ART3: variants seen among roughly 807,000 people sequenced by gnomAD.
The protein encoded by ART3 is ADP-ribosyltransferase 3 (inactive), also known as ecto-ADP-ribosyltransferase 3.
ART3 carries 49 observed loss-of-function variants against 48.5 expected under a neutral mutation model. That is an observed-to-expected ratio of 1.01 (90% CI 0.80 to 1.28). The LOEUF (loss-of-function observed/expected upper bound fraction) is 1.28. Ranked by LOEUF, ART3 falls within the 50% of genes most tolerant of loss-of-function variation. The probability of loss-of-function intolerance (pLI) is 0.00; values close to 1 mark genes in which losing one functional copy is unlikely to be tolerated. For synonymous variants in ART3, 145 were observed against 157.2 expected, an observed-to-expected ratio of 0.92 and a Z score of 0.58; for missense variants, 438 against 454.3, an observed-to-expected ratio of 0.96 and a Z score of 0.33.
upstream of ART3, among the ~76,000 whole-genome samples, chr4:76,073,008 C>T (rs1298901561): frequency 1.3e-5 from 2 of 152,186 alleles, no homozygotes; most frequent in Middle Eastern, 3.2e-3. Context: ...TACTTATAAA[C>T]AAAAGCCAAA....
intron 1 of ART3, among the ~76,000 whole-genome samples, chr4:76,019,639 A>G (rs1435633109): frequency 2.0e-5 from 3 of 148,518 alleles, no homozygotes; most frequent in Non-Finnish European, 4.5e-5. Flanking sequence ...TATTTTTAGT[A>G]GAGACAGGGT....
intron 1 of ART3, among the ~76,000 whole-genome samples, chr4:76,025,813 G>A (rs990777621): frequency 2.0e-5 from 3 of 152,034 alleles, no homozygotes; most frequent in African/African-American, 7.2e-5. Flanking sequence ...CACCTTGACT[G>A]TGTTCAGATT....
intron 1 of ART3, chr4:76,022,091 C>A: frequency 1.2e-6 from 1 of 848,630 alleles, no homozygotes; most frequent in Non-Finnish European, 2.0e-6. Context: ...ATAGGGGTTG[C>A]TTTTTTCAAC....
At chr4:76,021,113 T>C (rs545552949) in intron 1 of ART3, 3 of 152,360 alleles carry the variant, frequency 2.0e-5, no homozygotes, top group African/African-American at 7.2e-5. Flanking sequence ...ACAAGGCACT[T>C]CATCTTAGTT....
intron 3 of ART3, 142 bp from the exon 4 acceptor site, chr4:76,097,502 C>T: frequency 1.5e-6 from 1 of 665,832 alleles, no homozygotes; most frequent in East Asian, 2.6e-5. Flanking sequence ...CCACCATGCC[C>T]AGCCTGCAAT....
intron 1 of ART3, among the ~76,000 whole-genome samples, chr4:76,025,604 A>G (rs1733306980): frequency 6.6e-6 from 1 of 152,122 alleles, no homozygotes; most frequent in African/African-American, 2.4e-5. Flanking sequence ...TTTTTTCACC[A>G]TAGATTATTT....
chr4:76,049,906 T>C (rs1578323966), intron 1 of ART3, among the ~76,000 whole-genome samples: 1 of 151,464 alleles, frequency 6.6e-6, no homozygotes, highest in East Asian at 1.9e-4. Context: ...TTCCTTCTGA[T>C]GTTTGGATGT....
intron 1 of ART3, among the ~76,000 whole-genome samples, chr4:76,043,197 G>T (rs576987687): frequency 6.6e-6 from 1 of 152,016 alleles, no homozygotes; most frequent in Non-Finnish European, 1.5e-5. Flanking sequence ...GGTTCTCCAC[G>T]TCCCCACCAG....
At chr4:76,051,081 G>C (rs1221117319) in intron 1 of ART3, among the ~76,000 whole-genome samples, 1 of 152,260 alleles carries the variant, frequency 6.6e-6, no homozygotes. Context: ...CTCCGGCCTT[G>C]GCCAGCCCAG....
At chr4:76,049,985 C>T (rs1290370158) in intron 1 of ART3, among the ~76,000 whole-genome samples, 7 of 148,830 alleles carry the variant, frequency 4.7e-5, no homozygotes, top group East Asian at 2.0e-4. Flanking sequence ...CAGACCTTAG[C>T]GGTGAGTGTT....
chr4:76,022,341 C>T, intron 1 of ART3: 1 of 1,588,224 alleles, frequency 6.3e-7, no homozygotes. Context: ...AAGAGCAATT[C>T]TTCTGCAGGC....
In ART3 at chr4:76,043,425, C is replaced by T. The variant is rs529598545; in HGVS notation, c.-10+32105C>T. Among the ~76,000 whole-genome samples, 24 of 152,164 alleles carry T rather than the reference C, an allele frequency of 1.6e-4. No homozygotes were observed. The South Asian group carries it at 4.8e-3, about 30-fold the overall frequency. On this transcript the variant is annotated intron_variant, in intron 1 of 9. Transcript: ENST00000341029. Reference sequence around the variant, plus strand: ...GGCTCAGGCATGGCGGGCTGCAGGTCCCGAGCCCTGCCCTGTAGGAAGGCA... The same window carrying T: ...GGCTCAGGCATGGCGGGCTGCAGGTTCCGAGCCCTGCCCTGTAGGAAGGCA...
chr4:76,084,767 C>G (rs1723194731), intron 3 of ART3, among the ~76,000 whole-genome samples: 1 of 152,082 alleles, frequency 6.6e-6, no homozygotes, highest in Non-Finnish European at 1.5e-5. Context: ...TAAACATAAC[C>G]CTTGATTGGT....
At chr4:76,089,884 A>G (rs1034498542) in intron 3 of ART3, among the ~76,000 whole-genome samples, 1 of 152,146 alleles carries the variant, frequency 6.6e-6, no homozygotes, top group African/African-American at 2.4e-5. Context: ...GTTCGAGACC[A>G]GCCTGGCCAA....
chr4:76,065,052 G>A lies in ART3; in HGVS notation c.-9-10829G>A, dbSNP rs184627011. Among the ~76,000 whole-genome samples the A allele has an allele frequency of 7.6e-4, 115 of 152,086 alleles. 1 individual carries two copies. In the East Asian group the frequency reaches 0.021, roughly 28 times the overall value. On this transcript the variant is annotated intron_variant, in intron 1 of 9. Transcript: ENST00000341029. Reference sequence around the variant, plus strand: ...TCACCATGTTGGCCAGGCTGGTCTCGAACTCCTGAGCTCAAGTGATCTGCC... The same window carrying A: ...TCACCATGTTGGCCAGGCTGGTCTCAAACTCCTGAGCTCAAGTGATCTGCC...
intron 1 of ART3, among the ~76,000 whole-genome samples, chr4:76,019,117 T>A (rs942844715): frequency 6.8e-6 from 1 of 147,922 alleles, no homozygotes; most frequent in Non-Finnish European, 1.5e-5. Flanking sequence ...TTGAACATAA[T>A]AAGATTCTTT....
At chr4:76,073,256 G>A (rs1208363845), upstream of ART3, among the ~76,000 whole-genome samples, 2 of 152,210 alleles carry the variant, frequency 1.3e-5, no homozygotes, top group Non-Finnish European at 2.9e-5. Flanking sequence ...CAGGAATGGA[G>A]GCCAGCGACA....
intron 3 of ART3, among the ~76,000 whole-genome samples, chr4:76,088,253 T>C: frequency 6.6e-6 from 1 of 152,098 alleles, no homozygotes; most frequent in East Asian, 1.9e-4. Context: ...ACTCTCTTTT[T>C]TTTTTTTTAC....
At chr4:76,035,268 C>G in intron 1 of ART3, 1 of 1,614,084 alleles carries the variant, frequency 6.2e-7, no homozygotes, top group South Asian at 1.1e-5. Context: ...GAGGCTTTCT[C>G]AATATCTGCC....
Sources: gnomAD v4.1 joint callset for allele counts (sites outside exome capture counted in the v4.1 genomes callset) on GRCh38, gnomAD v4.1.1 for gene constraint, MANE v1.5 for transcripts, NCBI Gene and HGNC (gene_info 2026-07-23, HGNC 2026-07-21) for gene names.